Variants in LINGO2 observed in about 807,000 individuals in gnomAD.
LINGO2 encodes the protein leucine-rich repeat and immunoglobulin-like domain-containing nogo receptor-interacting protein 2.
A neutral mutation model predicts 30.6 loss-of-function variants in LINGO2; 14 were observed. The observed-to-expected ratio is 0.46, with a 90% CI of 0.30 to 0.72. The LOEUF is 0.72. Among genes scored for constraint, LINGO2 ranks in the 30% least tolerant of loss-of-function variants. The pLI, the probability that LINGO2 is intolerant of heterozygous loss-of-function variation, is 0.07. For synonymous variants in LINGO2, 317 were observed against 288.5 expected, an observed-to-expected ratio of 1.10 and a Z score of -1.00; for missense variants, 729 against 751.7, an observed-to-expected ratio of 0.97 and a Z score of 0.35.
chr9:28,175,366 G>T, intron 4 of LINGO2, among the ~76,000 whole-genome samples: 1 of 152,080 alleles, frequency 6.6e-6, no homozygotes, highest in Non-Finnish European at 1.5e-5. Context: ...CTCCAGAGAA[G>T]ACCAGCCCCT....
chr9:28,974,114 A>T, the LINGO2 span, among the ~76,000 whole-genome samples: 1 of 152,210 alleles, frequency 6.6e-6, no homozygotes, highest in Non-Finnish European at 1.5e-5. Flanking sequence ...CAGTACAACA[A>T]TATATAAATA....
chr9:29,204,604 G>T, the LINGO2 span, among the ~76,000 whole-genome samples: 1 of 152,124 alleles, frequency 6.6e-6, no homozygotes, highest in Non-Finnish European at 1.5e-5. Flanking sequence ...ATATATTGGA[G>T]ATTTTCTCAT....
At chr9:28,120,391 C>T (rs1051835227) in intron 4 of LINGO2, among the ~76,000 whole-genome samples, 16 of 152,174 alleles carry the variant, frequency 1.1e-4, no homozygotes, top group Admixed American at 4.6e-4. Context: ...GAAGGAGCTC[C>T]TGTGAGGACT....
intron 5 of LINGO2, among the ~76,000 whole-genome samples, chr9:27,990,989 C>G (rs975735541): frequency 6.6e-6 from 1 of 151,978 alleles, no homozygotes; most frequent in Non-Finnish European, 1.5e-5. Context: ...GGAAGGCAGC[C>G]TCTCTCAGCC....
Position 28,201,540 on chromosome 9 carries a change from C to T in LINGO2, c.-87+93668G>A, listed in dbSNP as rs202084156. Reference sequence around the variant, plus strand: ...TGTGAATAATGCTGCAATAAACATACGTGTGCATGTGTCTTTATAGCAGCA... The same window carrying T: ...TGTGAATAATGCTGCAATAAACATATGTGTGCATGTGTCTTTATAGCAGCA... On this transcript the variant is annotated intron_variant, in intron 4 of 5. Coordinates refer to ENST00000379992, the Ensembl canonical transcript of LINGO2. Among the ~76,000 whole-genome samples the T allele has an allele frequency of 3.6e-4, 54 of 150,744 alleles. 1 individual carries two copies. The East Asian group carries it at 9.6e-3, about 27-fold the overall frequency.
intron 2 of LINGO2, among the ~76,000 whole-genome samples, chr9:28,428,034 G>A (rs10968588): frequency 0.13 from 19,280 of 152,046 alleles, 1,418 homozygotes; most frequent in East Asian, 0.24. Context: ...ACAGTCAGTT[G>A]CACCCAGGAC....
rs146949981 is a variant in LINGO2, at chr9:28,625,650, T to A, written c.-365+44550A>T. On this transcript the variant is annotated intron_variant, in intron 1 of 5. Transcript: ENST00000379992. Reference sequence around the variant, plus strand: ...TTGTAAAGCACAGTAAAATGAGGTATGCCCATTTTTTTCCTTTTTATTGTT... The same window carrying A: ...TTGTAAAGCACAGTAAAATGAGGTAAGCCCATTTTTTTCCTTTTTATTGTT... Among the ~76,000 whole-genome samples, 383 of 152,250 alleles carry A rather than the reference T, an allele frequency of 2.5e-3. 3 individuals are homozygous for A. Among genetic ancestry groups the A allele is most frequent in the African/African-American group, 8.8e-3 (365 of 41,572 alleles).
chr9:28,627,029 T>G (rs1826714303), intron 1 of LINGO2, among the ~76,000 whole-genome samples: 1 of 152,074 alleles, frequency 6.6e-6, no homozygotes, highest in Admixed American at 6.6e-5. Context: ...CTAGTAATTT[T>G]TTTTAACGGT....
chr9:28,154,761 T>G (rs1457420072), intron 4 of LINGO2, among the ~76,000 whole-genome samples: 1 of 152,248 alleles, frequency 6.6e-6, no homozygotes. Context: ...AATATCATCC[T>G]AGTAATGCCC....
intron 4 of LINGO2, among the ~76,000 whole-genome samples, chr9:28,183,662 G>A (rs1360828459): frequency 2.0e-5 from 3 of 152,112 alleles, no homozygotes; most frequent in South Asian, 4.1e-4. Flanking sequence ...ACTGTTGCAA[G>A]GACATTGCAT....
At chr9:28,354,710 A>G (rs1564144973) in intron 3 of LINGO2, among the ~76,000 whole-genome samples, 1 of 152,178 alleles carries the variant, frequency 6.6e-6, no homozygotes, top group Non-Finnish European at 1.5e-5. Context: ...CAAGTTACAC[A>G]TTTTAAAACA....
intron 5 of LINGO2, among the ~76,000 whole-genome samples, chr9:27,998,383 T>C (rs958329773): frequency 5.9e-5 from 9 of 152,166 alleles, no homozygotes; most frequent in Middle Eastern, 3.2e-3. Flanking sequence ...CATAGGGGGA[T>C]ATGCCTGACC....
At chr9:28,447,847 G>C (rs1322580996) in intron 2 of LINGO2, among the ~76,000 whole-genome samples, 2 of 152,094 alleles carry the variant, frequency 1.3e-5, no homozygotes, top group Non-Finnish European at 2.9e-5. Context: ...GATATATTGG[G>C]AAAAATTTTT....
chr9:27,940,392 A>G, the LINGO2 span: 1 of 152,186 alleles, frequency 6.6e-6, no homozygotes, highest in East Asian at 1.9e-4. Flanking sequence ...GAAAGGCACC[A>G]GTGTGACAAG....
intron 1 of LINGO2, among the ~76,000 whole-genome samples, chr9:28,489,952 T>C (rs1826329851): frequency 6.6e-6 from 1 of 150,822 alleles, no homozygotes; most frequent in Non-Finnish European, 1.5e-5. Flanking sequence ...AGGTATGATT[T>C]ATGTAATAAG....
At chr9:28,104,890 CG>C (rs1181630750) in intron 4 of LINGO2, among the ~76,000 whole-genome samples, 2 of 151,206 alleles carry the variant, frequency 1.3e-5, no homozygotes, top group African/African-American at 4.9e-5. Context: ...AGGTAGAATC[CG>C]GCCCCCACCG....
chr9:28,497,721 G>C (rs964328337), intron 1 of LINGO2, among the ~76,000 whole-genome samples: 1 of 152,186 alleles, frequency 6.6e-6, no homozygotes, highest in Non-Finnish European at 1.5e-5. Context: ...TTCCTTTGGA[G>C]GGGTAGAGGC....
At chr9:29,200,385 T>C in the LINGO2 span, among the ~76,000 whole-genome samples, 1 of 152,202 alleles carries the variant, frequency 6.6e-6, no homozygotes, top group East Asian at 1.9e-4. Flanking sequence ...TCAGTAACTA[T>C]TCAATCTTAA....
intron 1 of LINGO2, among the ~76,000 whole-genome samples, chr9:28,585,727 A>G (rs762219136): frequency 6.6e-6 from 1 of 152,036 alleles, no homozygotes; most frequent in Non-Finnish European, 1.5e-5. Flanking sequence ...CCTCGTCGTA[A>G]GTTGAGAAGC....
Sources: allele counts gnomAD v4.1 joint callset (sites outside exome capture counted in the v4.1 genomes callset), GRCh38; gene constraint gnomAD v4.1.1; transcripts MANE v1.5; gene names NCBI Gene and HGNC (gene_info 2026-07-23, HGNC 2026-07-21).